Variants in PLB1 observed in about 807,000 individuals in gnomAD.
PLB1 encodes phospholipase B1, membrane-associated.
A neutral mutation model predicts 227.4 loss-of-function variants in PLB1; 242 were observed. That is an observed-to-expected ratio of 1.06 (90% CI 0.96 to 1.18). The LOEUF (loss-of-function observed/expected upper bound fraction) is 1.18. Ranked by LOEUF, PLB1 falls within the 50% of genes most tolerant of loss-of-function variation. The pLI, the probability that PLB1 is intolerant of heterozygous loss-of-function variation, is 0.00. For missense variants in PLB1, 1,858 were observed against 1,816.3 expected, an observed-to-expected ratio of 1.02 and a Z score of -0.42; for synonymous variants, 757 against 682.2, an observed-to-expected ratio of 1.11 and a Z score of -1.71.
chr2:28,552,999 G>C lies in PLB1; in HGVS notation c.1147+8G>C. On this transcript the variant is annotated splice_region_variant and intron_variant, in intron 17 of 57. Transcript: ENST00000327757. ...ATACGGTTCCCACCTCAGGTACACA[G>C]CTTGCACCCAGTGATTTTAAAATTC... The C allele has an allele frequency of 6.2e-7, 1 of 1,611,746 alleles. No homozygotes were observed. The highest frequency in any genetic ancestry group is 8.5e-7 in the Non-Finnish European group (1 of 1,177,870).
At chr2:28,539,954 C>T (rs1272465217) in intron 11 of PLB1, among the ~76,000 whole-genome samples, 1 of 150,974 alleles carries the variant, frequency 6.6e-6, no homozygotes, top group Non-Finnish European at 1.5e-5. Flanking sequence ...TAGCCACCCT[C>T]CAGGGAGAGC....
At chr2:28,616,157 T>C (rs1451197357) in intron 44 of PLB1, among the ~76,000 whole-genome samples, 2 of 152,218 alleles carry the variant, frequency 1.3e-5, no homozygotes, top group African/African-American at 4.8e-5. Flanking sequence ...TTCTAGTGTT[T>C]TATAGCACAG....
At position 28,598,179 on chromosome 2, in the gene PLB1, G is replaced by A. The variant is rs1194563736; in HGVS notation, c.2365+131G>A. 5.2e-6 allele frequency: 4 copies of A among 767,610 alleles called. No homozygotes were observed. The African/African-American group carries it at 7.1e-5, about 14-fold the overall frequency. 47.5% of individuals were successfully genotyped at this position (767,610 alleles called of 1,614,324 possible). A position where few individuals can be genotyped will look rare whatever the true frequency, so the allele number is the denominator to read the frequency against. On this transcript the variant is annotated intron_variant, in intron 34 of 57. Transcript: ENST00000327757. ...GGCCCAGCATTTAAGTAGGAGACAGGAGGCTATGAAAAAGCAGCCGAGGCA... is the reference window on the plus strand; with the variant it reads ...GGCCCAGCATTTAAGTAGGAGACAGAAGGCTATGAAAAAGCAGCCGAGGCA...
At chr2:28,620,853 C>T in intron 48 of PLB1, 26 bp from the exon 49 acceptor site, 5 of 1,597,452 alleles carry the variant, frequency 3.1e-6, no homozygotes, top group Non-Finnish European at 4.3e-6. Context: ...CACCTGTGCT[C>T]TTCTCCTCCT....
rs1690176100 is a variant in PLB1, at chr2:28,643,371, C to A, written c.*310C>A. ...CCTGCCTCCAGCAGGGCTGCCCAAG[C>A]CACGACCAACCAGAGCCCAAACTGC... On this transcript the variant is annotated 3_prime_UTR_variant, in exon 58 of 58. Transcript: ENST00000327757. The A allele has an allele frequency of 8.1e-6, 2 of 246,366 alleles. No homozygotes were observed. Among genetic ancestry groups the A allele is most frequent in the Non-Finnish European group, 1.6e-5 (2 of 128,998 alleles). 15.3% of individuals were successfully genotyped at this position (246,366 alleles called of 1,614,324 possible).
At chr2:28,636,033 G>GTGTGTGTATGTGTGTGTGTGTATGTA (rs1553467803) in intron 56 of PLB1, among the ~76,000 whole-genome samples, 1 of 149,692 alleles carries the variant, frequency 6.7e-6, no homozygotes, top group Admixed American at 6.6e-5. Context: ...GTGTGTATGT[G>GTGTGTGTATGTGTGTGTGTGTATGTA]TGTGTGTGTA....
intron 53 of PLB1, among the ~76,000 whole-genome samples, chr2:28,629,469 T>G (rs1240517401): frequency 6.6e-6 from 1 of 152,204 alleles, no homozygotes; most frequent in East Asian, 1.9e-4. Context: ...AAGGCAAACC[T>G]TGGCACGCTG....
At chr2:28,604,883 G>C (rs1286053302) in intron 41 of PLB1, 124 bp downstream of exon 41, 1 of 852,292 alleles carries the variant, frequency 1.2e-6, no homozygotes, top group Non-Finnish European at 1.8e-6. Flanking sequence ...CGCTGTGCTG[G>C]CAGGTGCAGG....
intron 1 of PLB1, among the ~76,000 whole-genome samples, chr2:28,515,391 C>G (rs1668727819): frequency 6.6e-6 from 1 of 152,198 alleles, no homozygotes; most frequent in Non-Finnish European, 1.5e-5. Flanking sequence ...GTTACAAACA[C>G]CTATGCCAGC....
At chr2:28,626,581 A>C in intron 51 of PLB1, 73 bp downstream of exon 51, 1 of 1,375,092 alleles carries the variant, frequency 7.3e-7, no homozygotes, top group Non-Finnish European at 1.0e-6. Flanking sequence ...TTGCCCATCC[A>C]TCCCTGGCCC....
rs1321310310 is a variant in PLB1, at chr2:28,630,672, C to G, written c.3897+8C>G. 2 of 1,607,522 alleles carry G rather than the reference C, an allele frequency of 1.2e-6. No individual in the cohort carries two copies. Among genetic ancestry groups the G allele is most frequent in the Admixed American group, 1.7e-5 (1 of 59,218 alleles). On this transcript the variant is annotated splice_region_variant and intron_variant, in intron 54 of 57. Coordinates refer to ENST00000327757, the MANE Select transcript of PLB1 (RefSeq NM_153021.5). ...GTGAACTGGAACCTCCAGGTAAGCC[C>G]TGCAGCCCTTCTCTTACTGACCCAG...
intron 20 of PLB1, among the ~76,000 whole-genome samples, chr2:28,567,789 G>A (rs1677303304): frequency 6.6e-6 from 1 of 152,032 alleles, no homozygotes; most frequent in African/African-American, 2.4e-5. Context: ...TTCCTTGAAG[G>A]GTCTGATCTT....
intron 1 of PLB1, among the ~76,000 whole-genome samples, chr2:28,500,406 AAAT>A (rs1666949849): frequency 6.6e-6 from 1 of 152,172 alleles, no homozygotes; most frequent in South Asian, 2.1e-4. Flanking sequence ...TGTGGTTTAT[AAAT>A]TATCCATAGG....
chr2:28,623,876 C>A (rs917915172), intron 49 of PLB1, among the ~76,000 whole-genome samples: 1 of 152,202 alleles, frequency 6.6e-6, no homozygotes, highest in Non-Finnish European at 1.5e-5. Context: ...CCAAGGTAGG[C>A]AGATTGCCCA....
At chr2:28,634,360 TTATTCCTTTGTAAAAA>T (rs1367072118) in intron 56 of PLB1, among the ~76,000 whole-genome samples, 3 of 150,818 alleles carry the variant, frequency 2.0e-5, no homozygotes, top group East Asian at 3.8e-4. Flanking sequence ...TCATGTGACT[TTATTCCTTTGTAAAAA>T]TCTTCCCAAA....
intron 1 of PLB1, among the ~76,000 whole-genome samples, chr2:28,510,027 T>C (rs1170500931): frequency 6.6e-6 from 1 of 152,200 alleles, no homozygotes; most frequent in African/African-American, 2.4e-5. Context: ...AGAGCAGTTA[T>C]CATGGATGAC....
chr2:28,614,087 A>G lies in PLB1; in HGVS notation c.3186A>G (p.Pro1062=). The G allele has an allele frequency of 6.2e-7, 1 of 1,612,506 alleles. No homozygotes were observed. Among genetic ancestry groups the G allele is most frequent in the Non-Finnish European group, 8.5e-7 (1 of 1,178,660 alleles). The change falls in exon 44 of 58, where the codon CCA becomes CCG. Residue 1062 remains proline (P), a synonymous_variant. Transcript: ENST00000327757. ...GTAACTACACGTACCCCATCAAGCC[A>G]GCCATTGAGGTAACCCCTGACTCAC... The part of the protein sequence containing the change: ...RNSNYTYPIK[P]AIENWGSDFL...
intron 26 of PLB1, among the ~76,000 whole-genome samples, chr2:28,586,317 C>T (rs1349932915): frequency 1.3e-5 from 2 of 152,186 alleles, no homozygotes; most frequent in Non-Finnish European, 1.5e-5. Context: ...CTCTGCCCTC[C>T]GCTCCTATAG....
chr2:28,589,887 G>A, intron 28 of PLB1, 117 bp downstream of exon 28: 1 of 1,361,024 alleles, frequency 7.3e-7, no homozygotes, highest in Non-Finnish European at 1.0e-6. Flanking sequence ...GCACGGCAAT[G>A]ACAAACAAAC....
Sources: gnomAD v4.1 joint callset for allele counts (sites outside exome capture counted in the v4.1 genomes callset) on GRCh38, gnomAD v4.1.1 for gene constraint, MANE v1.5 for transcripts, NCBI Gene and HGNC (gene_info 2026-07-23, HGNC 2026-07-21) for gene names.